Variants in HTR3B observed in about 807,000 individuals in gnomAD.
HTR3B encodes 5-hydroxytryptamine receptor 3B, also known as 5-hydroxytryptamine (serotonin) receptor 3B, ionotropic.
A neutral mutation model predicts 42.8 loss-of-function variants in HTR3B; 44 were observed. The ratio of observed to expected loss-of-function variants is 1.03; its 90% confidence interval spans 0.81 to 1.32. The LOEUF is 1.32. HTR3B is among the 40% of genes most tolerant of loss of function. The pLI is 0.00. For synonymous variants in HTR3B, 203 were observed against 209.0 expected, an observed-to-expected ratio of 0.97 and a Z score of 0.25; for missense variants, 527 against 536.5, an observed-to-expected ratio of 0.98 and a Z score of 0.17.
chr11:113,912,539 G>A (rs998284541), intron 2 of HTR3B, among the ~76,000 whole-genome samples: 4 of 152,162 alleles, frequency 2.6e-5, no homozygotes, highest in Non-Finnish European at 5.9e-5. Flanking sequence ...CACCGTGCCC[G>A]GCGTTTCCAT....
chr11:113,914,395 C>T (rs1256958427), intron 2 of HTR3B, among the ~76,000 whole-genome samples: 8 of 149,546 alleles, frequency 5.3e-5, no homozygotes, highest in African/African-American at 1.7e-4. Flanking sequence ...ACCTGGGAGG[C>T]GGAGGTTGCA....
At chr11:113,899,769 TC>T in the HTR3B span, among the ~76,000 whole-genome samples, 5 of 152,168 alleles carry the variant, frequency 3.3e-5, no homozygotes, top group Admixed American at 3.3e-4. Flanking sequence ...CATCGGTCGA[TC>T]TAATAGGTGC....
intron 6 of HTR3B, among the ~76,000 whole-genome samples, chr11:113,936,459 G>A (rs11214775): frequency 0.29 from 43,510 of 151,944 alleles, 6,336 homozygotes; most frequent in Middle Eastern, 0.32. Context: ...TCTAGATTAG[G>A]TAGAGTAACT....
intron 7 of HTR3B, 42 bp downstream of exon 7, chr11:113,943,234 C>A (rs1426051459): frequency 2.0e-6 from 3 of 1,486,776 alleles, no homozygotes; most frequent in Non-Finnish European, 2.8e-6. Context: ...CTTACATGAC[C>A]CCTGTGAAAG....
chr11:113,928,826 C>A (rs111380012), intron 2 of HTR3B, among the ~76,000 whole-genome samples: 1 of 152,294 alleles, frequency 6.6e-6, no homozygotes, highest in African/African-American at 2.4e-5. Flanking sequence ...CGTGAGCCAC[C>A]GCGCCCAGCT....
chr11:113,935,607 C>T (rs540666292), intron 6 of HTR3B, among the ~76,000 whole-genome samples: 58 of 152,338 alleles, frequency 3.8e-4, no homozygotes, highest in African/African-American at 1.3e-3. Context: ...AGCCTAGGCT[C>T]ATTCTCTTAC....
In HTR3B at chr11:113,943,080, C is replaced by G; in HGVS notation, c.795C>G (p.Pro265=). ...LVDLGSFYLP[P]NCRARIVFKT... ...ACCTGGGGAGCTTCTACCTGCCACC[C>G]AACTGCCGAGCCAGGATTGTGTTCA... is the stretch of plus-strand genomic sequence containing the variant. The change falls in exon 7 of 9, where the codon CCC becomes CCG. Residue 265 remains proline, a synonymous_variant. Coordinates refer to ENST00000260191, the MANE Select transcript of HTR3B (RefSeq NM_006028.5). 1 of 1,614,048 alleles carries G rather than the reference C, an allele frequency of 6.2e-7. No homozygotes were observed. The highest frequency in any genetic ancestry group is 8.5e-7 in the Non-Finnish European group (1 of 1,179,992).
rs948443861 is a variant in HTR3B, at chr11:113,946,800, C to G, written c.*663C>G. On this transcript the variant is annotated 3_prime_UTR_variant, in exon 9 of 9. Coordinates refer to ENST00000260191, the MANE Select transcript of HTR3B (RefSeq NM_006028.5). ...TTTTTTAAAAAGTGTAAGATAGCTC[C>G]ATCTTCCAGCCCTGCCTTGGCCATT... Among the ~76,000 whole-genome samples the G allele has an allele frequency of 6.6e-6, 1 of 152,206 alleles. No homozygotes were observed. The highest frequency in any genetic ancestry group is 1.5e-5 in the Non-Finnish European group (1 of 68,036).
At chr11:113,928,814 G>A (rs561258810) in intron 2 of HTR3B, among the ~76,000 whole-genome samples, 2 of 152,232 alleles carry the variant, frequency 1.3e-5, no homozygotes, top group Non-Finnish European at 2.9e-5. Context: ...TGGGATTACA[G>A]GCGTGAGCCA....
intron 2 of HTR3B, among the ~76,000 whole-genome samples, chr11:113,916,622 C>T (rs1243380220): frequency 1.3e-5 from 2 of 152,164 alleles, no homozygotes; most frequent in Admixed American, 1.3e-4. Context: ...TGCACTGAAT[C>T]TATAGATAAA....
Position 113,948,395 on chromosome 11 carries a change from C to T in HTR3B, c.*2258C>T, listed in dbSNP as rs1176533116. 6.6e-6 allele frequency among the ~76,000 whole-genome samples: 1 copy of T among 152,198 alleles called. No individual in the cohort carries two copies. The highest frequency in any genetic ancestry group is 1.5e-5 in the Non-Finnish European group (1 of 68,036). On this transcript the variant is annotated 3_prime_UTR_variant, in exon 9 of 9. Coordinates refer to ENST00000260191, the MANE Select transcript of HTR3B (RefSeq NM_006028.5). ...TTAGAGAAAGCACCAGTGTCAGAGT[C>T]AGGAGTCCTGATGATTACGGTCCTG...
chr11:113,906,086 T>C (rs1184917279), intron 1 of HTR3B, among the ~76,000 whole-genome samples: 1 of 152,056 alleles, frequency 6.6e-6, no homozygotes, highest in Non-Finnish European at 1.5e-5. Context: ...ATCTCTCTAA[T>C]GTTTTGTATT....
At chr11:113,905,707 T>C (rs954499279) in intron 1 of HTR3B, among the ~76,000 whole-genome samples, 1 of 152,228 alleles carries the variant, frequency 6.6e-6, no homozygotes, top group African/African-American at 2.4e-5. Flanking sequence ...AATTTATGAT[T>C]ATGCTGGTGT....
intron 2 of HTR3B, among the ~76,000 whole-genome samples, chr11:113,920,684 A>T (rs1440059454): frequency 6.6e-6 from 1 of 151,942 alleles, no homozygotes; most frequent in East Asian, 1.9e-4. Flanking sequence ...ATATTTCCCC[A>T]ATTATCCTAT....
chr11:113,934,196 G>A (rs1216299723), intron 6 of HTR3B, among the ~76,000 whole-genome samples: 1 of 152,162 alleles, frequency 6.6e-6, no homozygotes. Context: ...AGACTAGTCT[G>A]GCCAACATGG....
In HTR3B at chr11:113,910,036, A is replaced by ATTG. The variant is rs1174085923; in HGVS notation, c.213+583_213+585dup. ...CTTGTGGTCATGGATCACAGTACAT[A>ATTG]TTGTATGAATATTGCTGAAACCAAA... On this transcript the variant is annotated intron_variant, in intron 2 of 8. Transcript: ENST00000260191. Among the ~76,000 whole-genome samples the ATTG allele has an allele frequency of 7.3e-5, 11 of 151,044 alleles. No individual in the cohort carries two copies. The Admixed American group carries it at 7.3e-4, about 10-fold the overall frequency.
intron 6 of HTR3B, among the ~76,000 whole-genome samples, chr11:113,938,122 C>A (rs1460127800): frequency 2.0e-5 from 3 of 152,136 alleles, no homozygotes; most frequent in Admixed American, 2.0e-4. Context: ...TAAGGGCCCA[C>A]TCTACTCCAG....
At position 113,946,640 on chromosome 11, in the gene HTR3B, A is replaced by G. The variant is rs1950183390; in HGVS notation, c.*503A>G. ...AAGGATCATATGTTCATGAAAATGT[A>G]TAAACAGTATGAGTATACAGTAAAA... On this transcript the variant is annotated 3_prime_UTR_variant, in exon 9 of 9. Coordinates refer to ENST00000260191, the MANE Select transcript of HTR3B (RefSeq NM_006028.5). 6.5e-6 allele frequency: 1 copy of G among 152,860 alleles called. No individual in the cohort carries two copies. The highest frequency in any genetic ancestry group is 2.4e-5 in the African/African-American group (1 of 41,460). The allele number at this position is 152,860 out of a possible 1,614,324, so 9.5% of individuals were successfully genotyped here.
rs968608674 is a variant in HTR3B at position 113,946,819 on chromosome 11, G to C, written c.*682G>C. Among the ~76,000 whole-genome samples the C allele has an allele frequency of 6.6e-6, 1 of 152,108 alleles. No homozygotes were observed. The highest frequency in any genetic ancestry group is 1.5e-5 in the Non-Finnish European group (1 of 68,024). Reference sequence around the variant, plus strand: ...TAGCTCCATCTTCCAGCCCTGCCTTGGCCATTTATTCAGTCACCCATTCAA... The same window carrying C: ...TAGCTCCATCTTCCAGCCCTGCCTTCGCCATTTATTCAGTCACCCATTCAA... On this transcript the variant is annotated 3_prime_UTR_variant, in exon 9 of 9. Transcript: ENST00000260191.
Sources: allele counts gnomAD v4.1 joint callset (sites outside exome capture counted in the v4.1 genomes callset), GRCh38; gene constraint gnomAD v4.1.1; transcripts MANE v1.5; gene names NCBI Gene and HGNC (gene_info 2026-07-23, HGNC 2026-07-21).